The following FAM131B variants were observed in gnomAD, a reference collection of about 807,000 sequenced individuals.
FAM131B encodes protein FAM131B.
A neutral mutation model predicts 42.0 loss-of-function variants in FAM131B; 19 were observed. The ratio of observed to expected loss-of-function variants is 0.45; its 90% CI spans 0.32 to 0.66. FAM131B has a LOEUF of 0.66. Ranked by LOEUF, FAM131B falls within the 30% of genes least tolerant of loss-of-function variation. The probability of loss-of-function intolerance (pLI) is 0.05; values close to 1 mark genes in which losing one functional copy is unlikely to be tolerated. For missense variants in FAM131B, 370 were observed against 468.4 expected (o/e 0.79, Z 1.94); for synonymous variants, 183 against 177.6 (o/e 1.03, Z -0.24).
the FAM131B span, chr7:143,380,284 G>A: frequency 1.0e-6 from 1 of 984,576 alleles, no homozygotes. The surrounding 1 kb of genome is among the most constrained non-coding windows in gnomAD (Gnocchi z 5.0). Flanking sequence ...GGCTTCTTTC[G>A]TGTAGCCTGG....
In FAM131B at chr7:143,357,337, G is replaced by T. The variant is rs758318411; in HGVS notation, c.553C>A (p.Gln185Lys). The T allele has an allele frequency of 1.1e-5, 17 of 1,613,832 alleles. No individual in the cohort carries two copies. Among genetic ancestry groups the T allele is most frequent in the Non-Finnish European group, 1.4e-5 (17 of 1,179,872 alleles). Reference sequence around the variant, plus strand: ...CTGTAGTTGCAGCCCAATGGCTCCTGGGTGGAGTTCACACTCATGTCCTCA... The same window carrying T: ...CTGTAGTTGCAGCCCAATGGCTCCTTGGTGGAGTTCACACTCATGTCCTCA... Reference protein sequence around the residue: ...DGEDMSVNSTQEPLGCNYSDN... With the variant: ...DGEDMSVNSTKEPLGCNYSDN... The change falls in exon 6 of 7, where the codon CAG becomes AAG. Residue 185 changes from glutamine to lysine, a missense_variant. Physicochemically the swap from Gln to Lys is moderately conservative, Grantham distance 53. Coordinates refer to ENST00000443739, the MANE Select transcript of FAM131B (RefSeq NM_001031690.3).
In FAM131B at chr7:143,360,067, C is replaced by G. The variant is rs749070585; in HGVS notation, c.111G>C (p.Gly37=). ...INMDSTSSLH[G]SSLHRPSTEQ... Reference sequence around the variant, plus strand: ...CAGTCGATGGCCGATGGAGGCTGCTCCCGTGCAGTGAGCTGGTGCTGTCCA... The same window carrying G: ...CAGTCGATGGCCGATGGAGGCTGCTGCCGTGCAGTGAGCTGGTGCTGTCCA... Residue 37 remains glycine (G), a synonymous_variant, in exon 2 of 7, where the codon GGG becomes GGC. Transcript: ENST00000443739. 9 of 1,613,814 alleles carry G rather than the reference C, an allele frequency of 5.6e-6. No homozygotes were observed. Among genetic ancestry groups the G allele is most frequent in the Non-Finnish European group, 6.8e-6 (8 of 1,179,874 alleles).
the FAM131B span, among the ~76,000 whole-genome samples, chr7:143,375,391 G>A: frequency 2.6e-5 from 4 of 152,174 alleles, no homozygotes; most frequent in Non-Finnish European, 5.9e-5. Context: ...GGCTTGCTCA[G>A]GCATGTTGAG....
chr7:143,381,285 C>G, the FAM131B span: 1 of 1,078,812 alleles, frequency 9.3e-7, no homozygotes, highest in Non-Finnish European at 1.1e-6. Context: ...CTCTCTTCTC[C>G]CTCCCTCCTC....
At chr7:143,381,077 G>A in the FAM131B span, 1 of 445,676 alleles carries the variant, frequency 2.2e-6, no homozygotes, top group East Asian at 1.6e-4. Flanking sequence ...AGGGAGTGGG[G>A]GTCTGAGCCG....
the FAM131B span, among the ~76,000 whole-genome samples, chr7:143,372,661 C>T: frequency 6.6e-6 from 1 of 152,164 alleles, no homozygotes; most frequent in Non-Finnish European, 1.5e-5. Flanking sequence ...TAAAATACCT[C>T]ATTAATAATT....
the FAM131B span, among the ~76,000 whole-genome samples, chr7:143,369,341 T>C: frequency 6.6e-6 from 1 of 152,170 alleles, no homozygotes; most frequent in Non-Finnish European, 1.5e-5. Flanking sequence ...ATCTTTTTGC[T>C]TATGGAGACT....
the FAM131B span, among the ~76,000 whole-genome samples, chr7:143,375,975 C>A: frequency 6.6e-6 from 1 of 152,206 alleles, no homozygotes; most frequent in Non-Finnish European, 1.5e-5. Context: ...CCATCTGCCT[C>A]GCTCTGCCCC....
At chr7:143,381,649 C>G in the FAM131B span, 1 of 1,612,268 alleles carries the variant, frequency 6.2e-7, no homozygotes. Context: ...AGAAGAAGTT[C>G]GGCCCTGTGG....
rs1002151906 is a variant in FAM131B, at chr7:143,356,446, A to G, written c.*104T>C. 7.2e-6 allele frequency: 6 copies of G among 828,454 alleles called. No homozygotes were observed. Among genetic ancestry groups the G allele is most frequent in the South Asian group, 3.2e-5 (2 of 61,814 alleles). The allele number at this position is 828,454 out of a possible 1,614,324, so 51.3% of individuals were successfully genotyped here. A position where few individuals can be genotyped will look rare whatever the true frequency, so the allele number is the denominator to read the frequency against. On this transcript the variant is annotated 3_prime_UTR_variant, in exon 7 of 7. Coordinates refer to ENST00000443739, the MANE Select transcript of FAM131B (RefSeq NM_001031690.3). This position sits in a 1 kb window ranked among gnomAD's most constrained non-coding sequence, Gnocchi z 4.4. ...GGACTGGAAGCTCCTGGGTTCCCCA[A>G]TGTTGTCTGCCCAGTTTCAGCTGTA...
the FAM131B span, chr7:143,382,149 G>A: frequency 2.1e-5 from 22 of 1,033,536 alleles, no homozygotes; most frequent in Admixed American, 1.0e-4. Flanking sequence ...TGGGACCCCT[G>A]AGAGAGTTCT....
the FAM131B span, among the ~76,000 whole-genome samples, chr7:143,372,431 A>G: frequency 2.6e-5 from 4 of 152,238 alleles, no homozygotes; most frequent in East Asian, 7.7e-4. Context: ...AAGCACAAAA[A>G]GAGAATGACT....
At chr7:143,357,479 C>T (rs1006800976) in intron 5 of FAM131B, 56 bp from the exon 6 acceptor site, 9 of 1,532,200 alleles carry the variant, frequency 5.9e-6, no homozygotes, top group East Asian at 4.5e-5. Flanking sequence ...TAGACATGTG[C>T]GTGGGGTAGG....
At chr7:143,370,591 G>A in the FAM131B span, among the ~76,000 whole-genome samples, 1 of 152,202 alleles carries the variant, frequency 6.6e-6, no homozygotes, top group Non-Finnish European at 1.5e-5. Context: ...GTAACCTCTG[G>A]TCTTCACTGC....
chr7:143,371,757 G>T, the FAM131B span, among the ~76,000 whole-genome samples: 26 of 152,162 alleles, frequency 1.7e-4, 1 homozygote, highest in African/African-American at 6.3e-4. Flanking sequence ...CTATGATGGA[G>T]ATAATGGGGT....
chr7:143,372,823 G>T, the FAM131B span, among the ~76,000 whole-genome samples: 1 of 152,000 alleles, frequency 6.6e-6, no homozygotes, highest in African/African-American at 2.4e-5. Context: ...ACCAGGTGTC[G>T]TGGTGGGCAC....
the FAM131B span, chr7:143,380,209 T>C: frequency 1.1e-5 from 11 of 982,616 alleles, no homozygotes; most frequent in African/African-American, 5.3e-5. This position sits in a 1 kb window ranked among gnomAD's most constrained non-coding sequence, Gnocchi z 5.0. Context: ...GGGGCCGAGA[T>C]TGGGGAAGTT....
chr7:143,367,217 G>A (rs1344372315), upstream of FAM131B, among the ~76,000 whole-genome samples: 1 of 152,232 alleles, frequency 6.6e-6, no homozygotes, highest in East Asian at 1.9e-4. Context: ...TAGAGGATGA[G>A]AGGGTCCATG....
the FAM131B span, chr7:143,382,054 A>T: frequency 1.6e-6 from 1 of 611,354 alleles, no homozygotes. Flanking sequence ...CGGGAGCTGC[A>T]CCACTCCTCG....
Sources: gnomAD v4.1 joint callset for allele counts (sites outside exome capture counted in the v4.1 genomes callset) on GRCh38, gnomAD v4.1.1 for gene constraint, Gnocchi (gnomAD v3.1) non-coding constraint, MANE v1.5 for transcripts, NCBI Gene and HGNC (gene_info 2026-07-23, HGNC 2026-07-21) for gene names.